The following AOPEP variants were observed in gnomAD, a reference collection of about 807,000 sequenced individuals.
AOPEP encodes aminopeptidase O.
Under a neutral mutation model 98.1 loss-of-function variants are expected in AOPEP, and 77 were observed. The observed-to-expected ratio is 0.78, with a 90% CI of 0.65 to 0.95. AOPEP has a LOEUF of 0.95. Ranked by LOEUF, AOPEP falls within the 40% of genes least tolerant of loss-of-function variation. The pLI, the probability that AOPEP is intolerant of heterozygous loss-of-function variation, is 0.00. For synonymous variants in AOPEP, 346 were observed against 365.3 expected (o/e 0.95, Z 0.60); for missense variants, 1,024 against 1,024.7 (o/e 1.00, Z 0.01).
chr9:94,747,024 A>C (rs1394010854), intron 1 of AOPEP, among the ~76,000 whole-genome samples: 1 of 144,092 alleles, frequency 6.9e-6, no homozygotes. Flanking sequence ...TTCCCACAAC[A>C]GCATTAACTC....
chr9:94,928,572 C>G, intron 7 of AOPEP, 41 bp downstream of exon 7: 1 of 1,393,750 alleles, frequency 7.2e-7, no homozygotes, highest in South Asian at 1.2e-5. Flanking sequence ...CATTCCCCTC[C>G]TTCTTTCCTT....
intron 13 of AOPEP, among the ~76,000 whole-genome samples, chr9:95,044,571 G>T (rs749116471): frequency 6.6e-6 from 1 of 152,246 alleles, no homozygotes; most frequent in Non-Finnish European, 1.5e-5. Context: ...GGTAAGATTG[G>T]TGAAGGGTTC....
intron 1 of AOPEP, among the ~76,000 whole-genome samples, chr9:94,749,909 A>G (rs1355302487): frequency 7.1e-6 from 1 of 140,852 alleles, no homozygotes; most frequent in Non-Finnish European, 1.5e-5. Context: ...TATTTCTTTT[A>G]TGTCTAGTAT....
chr9:95,096,102 C>G, the AOPEP span, among the ~76,000 whole-genome samples: 1 of 152,160 alleles, frequency 6.6e-6, no homozygotes, highest in Non-Finnish European at 1.5e-5. Context: ...GATCCCAGAA[C>G]GAGCCATGCT....
chr9:94,934,392 C>T (rs1456313284), intron 7 of AOPEP, among the ~76,000 whole-genome samples: 1 of 148,726 alleles, frequency 6.7e-6, no homozygotes, highest in Non-Finnish European at 1.5e-5. Context: ...TTTCGGCTCA[C>T]TGCAACCTCT....
At chr9:94,924,592 G>C (rs1292316241) in intron 6 of AOPEP, among the ~76,000 whole-genome samples, 1 of 152,194 alleles carries the variant, frequency 6.6e-6, no homozygotes, top group South Asian at 2.1e-4. Flanking sequence ...GTATGTGTGT[G>C]TGTTTTAAAT....
chr9:94,879,790 A>G (rs2047358757), intron 5 of AOPEP, among the ~76,000 whole-genome samples: 1 of 152,228 alleles, frequency 6.6e-6, no homozygotes, highest in South Asian at 2.1e-4. Context: ...TGAGTTTGGT[A>G]AATCAAACAT....
chr9:94,841,957 G>A (rs2042321856), intron 5 of AOPEP, among the ~76,000 whole-genome samples: 1 of 152,178 alleles, frequency 6.6e-6, no homozygotes, highest in Admixed American at 6.5e-5. Flanking sequence ...GGAGGCTGAG[G>A]TGAGAGGATC....
At chr9:94,803,784 CA>C (rs1848674402) in intron 5 of AOPEP, among the ~76,000 whole-genome samples, 2 of 152,114 alleles carry the variant, frequency 1.3e-5, no homozygotes, top group Admixed American at 1.3e-4. Flanking sequence ...ATCACTGTTC[CA>C]GGGGAGAGGG....
chr9:94,814,909 C>G (rs75814403), intron 5 of AOPEP, among the ~76,000 whole-genome samples: 2,261 of 152,244 alleles, frequency 0.015, 54 homozygotes, highest in African/African-American at 0.052. Context: ...TACAAGGAGA[C>G]TGACATGGAA....
intron 5 of AOPEP, among the ~76,000 whole-genome samples, chr9:94,919,498 C>A (rs2053290270): frequency 6.6e-6 from 1 of 152,158 alleles, no homozygotes; most frequent in Non-Finnish European, 1.5e-5. Context: ...GGCTTCAGGA[C>A]TACAGAAGCA....
At chr9:95,046,414 G>C (rs1052221695) in intron 13 of AOPEP, among the ~76,000 whole-genome samples, 1 of 152,098 alleles carries the variant, frequency 6.6e-6, no homozygotes, top group Non-Finnish European at 1.5e-5. Flanking sequence ...GGTGTATTTT[G>C]TAAAACTTCT....
intron 1 of AOPEP, among the ~76,000 whole-genome samples, chr9:94,735,685 C>T (rs1305740322): frequency 6.6e-6 from 1 of 152,122 alleles, no homozygotes; most frequent in South Asian, 2.1e-4. Context: ...AATTCACATG[C>T]CACAAAATTC....
At chr9:94,941,842 C>T (rs1301396779) in intron 7 of AOPEP, among the ~76,000 whole-genome samples, 2 of 152,076 alleles carry the variant, frequency 1.3e-5, no homozygotes, top group Admixed American at 6.5e-5. Flanking sequence ...TATAGAAAAA[C>T]ATGAAAAAGC....
intron 15 of AOPEP, among the ~76,000 whole-genome samples, chr9:95,081,148 G>A (rs1229483425): frequency 6.6e-6 from 1 of 152,206 alleles, no homozygotes; most frequent in Non-Finnish European, 1.5e-5. Flanking sequence ...AGTCAGACTG[G>A]GAGAGCCCCG....
Position 94,955,283 on chromosome 9 carries a change from A to G in AOPEP, c.1764+4A>G, listed in dbSNP as rs2058374920. ...CATGCAGGTGCATTATTTAAAGGTA[A>G]GCACATGTCAGTTGCAGAAGCCAGT... On this transcript the variant is annotated splice_donor_region_variant and intron_variant, in intron 8 of 16. Transcript: ENST00000375315. The G allele has an allele frequency of 6.3e-7, 1 of 1,588,150 alleles. No individual in the cohort carries two copies. Among genetic ancestry groups the G allele is most frequent in the African/African-American group, 1.3e-5 (1 of 74,164 alleles).
At chr9:94,849,724 G>T (rs2043308346) in intron 5 of AOPEP, among the ~76,000 whole-genome samples, 1 of 152,002 alleles carries the variant, frequency 6.6e-6, no homozygotes, top group African/African-American at 2.4e-5. Flanking sequence ...TCACAATTGG[G>T]TTTGTGCTCC....
intron 5 of AOPEP, among the ~76,000 whole-genome samples, chr9:94,837,261 TA>T (rs1486466246): frequency 2.0e-5 from 3 of 151,884 alleles, no homozygotes; most frequent in Non-Finnish European, 4.4e-5. Context: ...GAAATGGTAA[TA>T]AAAAAAATTA....
At chr9:94,731,167 C>T (rs1295820267) in intron 1 of AOPEP, among the ~76,000 whole-genome samples, 2 of 152,056 alleles carry the variant, frequency 1.3e-5, no homozygotes, top group East Asian at 3.9e-4. Flanking sequence ...CTAGCATAAT[C>T]ATTTCCCCCA....
Sources: allele counts gnomAD v4.1 joint callset (sites outside exome capture counted in the v4.1 genomes callset), GRCh38; gene constraint gnomAD v4.1.1; transcripts MANE v1.5; gene names NCBI Gene and HGNC (gene_info 2026-07-23, HGNC 2026-07-21).